The following KDM6A variants were observed in gnomAD, a reference collection of about 807,000 sequenced individuals.
KDM6A encodes lysine-specific demethylase 6A.
A neutral mutation model predicts 117.6 loss-of-function variants in KDM6A; 11 were observed. The observed-to-expected ratio is 0.09, with a 90% CI of 0.06 to 0.15. KDM6A has a LOEUF of 0.15. Among genes scored for constraint, KDM6A ranks in the 10% least tolerant of loss-of-function variants. The probability of loss-of-function intolerance (pLI) is 1.00; values close to 1 mark genes in which losing one functional copy is unlikely to be tolerated. For synonymous variants in KDM6A, 384 were observed against 396.1 expected, an observed-to-expected ratio of 0.97 and a Z score of 0.36; for missense variants, 799 against 1,077.3, an observed-to-expected ratio of 0.74 and a Z score of 3.62.
rs942173942 is a variant in KDM6A, at chrX:44,962,575, A to G, written c.334+1183A>G. Among the ~76,000 whole-genome samples, 5 of 112,089 alleles carry G rather than the reference A, an allele frequency of 4.5e-5. No homozygotes were observed. In the Admixed American group the frequency reaches 4.8e-4, roughly 11 times the overall value. ...AAAACTGGAAACTTATTTAAAGGAA[A>G]CTATTGTACCAAAAAATAGATAGAG... On this transcript the variant is annotated intron_variant, in intron 3 of 29. Transcript: ENST00000611820.
At chrX:44,948,601 TG>T (rs1654384806) in intron 2 of KDM6A, among the ~76,000 whole-genome samples, 1 of 111,820 alleles carries the variant, frequency 8.9e-6, no homozygotes, top group Non-Finnish European at 1.9e-5. Context: ...AAGGAAATGG[TG>T]GGTGGTTTTC....
At chrX:45,000,349 G>A (rs555690962) in intron 4 of KDM6A, among the ~76,000 whole-genome samples, 6 of 112,107 alleles carry the variant, frequency 5.4e-5, no homozygotes, top group South Asian at 3.7e-4. Flanking sequence ...CTCCAGTTGC[G>A]TCTAAATAGA....
intron 27 of KDM6A, among the ~76,000 whole-genome samples, chrX:45,106,370 T>C (rs967753348): frequency 1.8e-5 from 2 of 111,585 alleles, no homozygotes; most frequent in African/African-American, 6.5e-5. Context: ...TAAAATAAGG[T>C]ATATTAAATA....
chrX:44,914,227 T>A (rs1183214542), intron 2 of KDM6A, among the ~76,000 whole-genome samples: 1 of 112,206 alleles, frequency 8.9e-6, no homozygotes, highest in Non-Finnish European at 1.9e-5. Flanking sequence ...AAAAGTTACA[T>A]GTGAATTTTC....
intron 6 of KDM6A, among the ~76,000 whole-genome samples, chrX:45,032,571 G>A (rs1037840297): frequency 9.0e-6 from 1 of 110,718 alleles, no homozygotes; most frequent in Non-Finnish European, 1.9e-5. Flanking sequence ...TTTTTGAAAC[G>A]CATTCTCATT....
intron 3 of KDM6A, among the ~76,000 whole-genome samples, chrX:44,967,949 T>C (rs984115015): frequency 2.8e-4 from 31 of 112,614 alleles, no homozygotes; most frequent in Admixed American, 2.2e-3. Context: ...AGTCTTAAAA[T>C]AGTAATTGGA....
intron 2 of KDM6A, among the ~76,000 whole-genome samples, chrX:44,892,413 G>A (rs1329691135): frequency 8.9e-6 from 1 of 111,827 alleles, no homozygotes; most frequent in African/African-American, 3.3e-5. Flanking sequence ...ACAAAGCTGG[G>A]CGTGGTGGCT....
At position 45,078,439 on chromosome X, in the gene KDM6A, C is replaced by A; in HGVS notation, c.3028C>A (p.Gln1010Lys). ...KRDAFFPPLH[Q>K]FCTNPNNPVT... ...TGATGCTTTCTTTCCTCCATTACAT[C>A]AATTTTGTACAAATCCGAACAACCC... Residue 1010 changes from glutamine to lysine, a missense_variant, in exon 20 of 30, where the codon CAA (glutamine) becomes AAA (lysine). Physicochemically the swap from Gln to Lys is moderately conservative, Grantham distance 53. Around this residue, in one of 8 missense-constraint regions of KDM6A, gnomAD observed 291 missense variants for 437.9 expected, o/e 0.66. Transcript: ENST00000611820. 8.3e-7 allele frequency: 1 copy of A among 1,209,680 alleles called. No homozygotes were observed. The highest frequency in any genetic ancestry group is 1.1e-6 in the Non-Finnish European group (1 of 894,715).
intron 2 of KDM6A, among the ~76,000 whole-genome samples, chrX:44,875,854 T>G (rs997656302): frequency 1.8e-5 from 2 of 112,008 alleles, no homozygotes; most frequent in Non-Finnish European, 3.8e-5. Context: ...TTTTATGTCT[T>G]AGAATGCTCA....
chrX:44,954,820 G>A (rs1015052414), intron 2 of KDM6A, among the ~76,000 whole-genome samples: 2 of 111,358 alleles, frequency 1.8e-5, no homozygotes, highest in Non-Finnish European at 3.8e-5. Flanking sequence ...TATGAGTTGG[G>A]CTGTAGAAAC....
chrX:45,008,408 C>G lies in KDM6A; in HGVS notation c.385-2553C>G, dbSNP rs1339602882. Among the ~76,000 whole-genome samples the G allele has an allele frequency of 2.9e-4, 32 of 110,875 alleles. 1 individual carries two copies. In the Admixed American group the frequency reaches 3.1e-3, roughly 11 times the overall value. On this transcript the variant is annotated intron_variant, in intron 4 of 29. Transcript: ENST00000611820. ...AAAAAATAAAAAAAATAAAAATAAACTCATATTTCTATAGTACGCTCACTC... is the reference window on the plus strand; with the variant it reads ...AAAAAATAAAAAAAATAAAAATAAAGTCATATTTCTATAGTACGCTCACTC...
In KDM6A at chrX:45,010,991, G is replaced by A. The variant is rs768230343; in HGVS notation, c.415G>A (p.Val139Ile). ...TGCCTTTTTATATGGTCTTGGTTTGGTCTACTTCCATTATAATGCATTTCA... is the reference window on the plus strand; with the variant it reads ...TGCCTTTTTATATGGTCTTGGTTTGATCTACTTCCATTATAATGCATTTCA... The part of the protein sequence containing the change: ...NAAFLYGLGL[V>I]YFHYNAFQWA... Residue 139 changes from valine (V) to isoleucine (I), a missense_variant, in exon 5 of 30, where the codon GTC (valine) becomes ATC (isoleucine). Around this residue, in one of 8 missense-constraint regions of KDM6A, gnomAD observed 89 missense variants for 117.8 expected, o/e 0.76. Coordinates refer to ENST00000611820, the MANE Select transcript of KDM6A (RefSeq NM_001291415.2). 5.0e-6 allele frequency: 6 copies of A among 1,202,533 alleles called. No individual in the cohort carries two copies. Among genetic ancestry groups the A allele is most frequent in the Non-Finnish European group, 6.8e-6 (6 of 888,497 alleles).
At chrX:45,103,877 C>T (rs5952680) in intron 27 of KDM6A, among the ~76,000 whole-genome samples, 1,760 of 112,077 alleles carry the variant, frequency 0.016, 38 homozygotes, top group African/African-American at 0.054. Context: ...GATCCTTAAA[C>T]GTCAAAGAAT....
intron 27 of KDM6A, among the ~76,000 whole-genome samples, chrX:45,096,778 C>A (rs1603017604): frequency 9.0e-6 from 1 of 111,442 alleles, no homozygotes; most frequent in Non-Finnish European, 1.9e-5. Context: ...GTAAATTAGT[C>A]CAACCATTGT....
chrX:44,991,678 T>TTTG (rs752362184), intron 4 of KDM6A, among the ~76,000 whole-genome samples: 41 of 111,541 alleles, frequency 3.7e-4, no homozygotes, highest in South Asian at 1.1e-3. Context: ...AGTGGGTGTT[T>TTTG]TTGTTGTTGT....
At chrX:44,915,826 C>T (rs2035515932) in intron 2 of KDM6A, among the ~76,000 whole-genome samples, 1 of 110,871 alleles carries the variant, frequency 9.0e-6, no homozygotes, top group Admixed American at 9.7e-5. Flanking sequence ...TGATAATGAC[C>T]CCAAAACACA....
intron 4 of KDM6A, among the ~76,000 whole-genome samples, chrX:44,980,017 G>C (rs1188611480): frequency 1.2e-5 from 1 of 81,978 alleles, no homozygotes; most frequent in Admixed American, 1.6e-4. Flanking sequence ...TTTTTTTTGA[G>C]ATGGAGTCTC....
chrX:45,055,383 A>AT (rs2044029104), intron 10 of KDM6A, among the ~76,000 whole-genome samples: 1 of 111,068 alleles, frequency 9.0e-6, no homozygotes, highest in African/African-American at 3.3e-5. Flanking sequence ...AAGGAAAAAA[A>AT]TTTTTAAAAA....
Position 44,961,215 on chromosome X carries a change from T to C in KDM6A, c.226-69T>C, listed in dbSNP as rs968034793. The C allele has an allele frequency of 8.2e-5, 64 of 777,269 alleles. No homozygotes were observed. In the South Asian group the frequency reaches 1.4e-3, roughly 17 times the overall value. 64.1% of individuals were successfully genotyped at this position (777,269 alleles called of 1,213,427 possible). ...GTGATCGAATGGAGGCTATATGCAT[T>C]ATCTTGGGGAGGAAATGTATTTTAG... On this transcript the variant is annotated intron_variant, in intron 2 of 29. Coordinates refer to ENST00000611820, the MANE Select transcript of KDM6A (RefSeq NM_001291415.2).
Sources: gnomAD v4.1 joint callset for allele counts (sites outside exome capture counted in the v4.1 genomes callset) on GRCh38, gnomAD v4.1.1 for gene constraint, gnomAD v4.1.1 regional missense constraint, MANE v1.5 for transcripts, NCBI Gene and HGNC (gene_info 2026-07-23, HGNC 2026-07-21) for gene names.